Variants in PCGF5 observed in about 807,000 individuals in gnomAD.
PCGF5 encodes polycomb group ring finger 5, also known as polycomb group RING finger protein 5.
In PCGF5, 9 loss-of-function variants were observed where a neutral mutation model predicts 44.3. That is an observed-to-expected ratio of 0.20 (90% confidence interval 0.12 to 0.35). The LOEUF is 0.35. Among genes scored for constraint, PCGF5 ranks in the 10% least tolerant of loss-of-function variants. The probability of loss-of-function intolerance (pLI) is 1.00; values close to 1 mark genes in which losing one functional copy is unlikely to be tolerated. For missense variants in PCGF5, 146 were observed against 305.3 expected (o/e 0.48, Z 3.89); for synonymous variants, 95 against 102.5 (o/e 0.93, Z 0.44).
At position 91,281,166 on chromosome 10, in the gene PCGF5, T is replaced by C. The variant is rs910850614; in HGVS notation, c.*2850T>C. On this transcript the variant is annotated 3_prime_UTR_variant, in exon 10 of 10. Coordinates refer to ENST00000336126, the MANE Select transcript of PCGF5 (RefSeq NM_032373.5). ...AGATTAGCAAAACAGCTTTACAAAG[T>C]ATGAAAAAATAAACTAAAATGCTCA... 3.9e-5 allele frequency: 6 copies of C among 152,484 alleles called. No individual in the cohort carries two copies. The highest frequency in any genetic ancestry group is 8.8e-5 in the Non-Finnish European group (6 of 67,914). The allele number at this position is 152,484 out of a possible 1,614,324, so 9.4% of individuals were successfully genotyped here.
At chr10:91,233,238 G>A (rs1017180066) in intron 2 of PCGF5, among the ~76,000 whole-genome samples, 20 of 152,026 alleles carry the variant, frequency 1.3e-4, no homozygotes, top group Middle Eastern at 3.2e-3. Flanking sequence ...GGTCCCACTC[G>A]ACTCTACAAG....
At chr10:91,204,646 C>G (rs1844308010) in intron 1 of PCGF5, among the ~76,000 whole-genome samples, 1 of 152,130 alleles carries the variant, frequency 6.6e-6, no homozygotes, top group Non-Finnish European at 1.5e-5. Context: ...CCAGAAAATG[C>G]AAAGAAGGAG....
intron 2 of PCGF5, among the ~76,000 whole-genome samples, chr10:91,229,801 T>C (rs1245507730): frequency 6.6e-5 from 10 of 152,056 alleles, no homozygotes; most frequent in Admixed American, 5.2e-4. Context: ...AAAAACATGT[T>C]TTGGAATAAA....
At chr10:91,178,881 A>C (rs999360326) in intron 1 of PCGF5, among the ~76,000 whole-genome samples, 1 of 152,222 alleles carries the variant, frequency 6.6e-6, no homozygotes, top group Non-Finnish European at 1.5e-5. Flanking sequence ...TAATACATGA[A>C]GCATTATTAT....
At chr10:91,193,594 G>A (rs1327343480) in intron 1 of PCGF5, among the ~76,000 whole-genome samples, 1 of 151,988 alleles carries the variant, frequency 6.6e-6, no homozygotes, top group Admixed American at 6.6e-5. Context: ...GTAGGAGATA[G>A]GGTCGGAAAG....
At chr10:91,193,772 A>C (rs1034626475) in intron 1 of PCGF5, among the ~76,000 whole-genome samples, 1 of 152,192 alleles carries the variant, frequency 6.6e-6, no homozygotes, top group Non-Finnish European at 1.5e-5. Context: ...AATAGACTCT[A>C]GTAGACTGTA....
intron 1 of PCGF5, among the ~76,000 whole-genome samples, chr10:91,205,105 T>G (rs1056053777): frequency 5.3e-5 from 8 of 152,210 alleles, no homozygotes; most frequent in Non-Finnish European, 1.0e-4. Context: ...TGAGATTAGA[T>G]ATGTAAATAC....
chr10:91,184,198 A>T (rs563319298), intron 1 of PCGF5, among the ~76,000 whole-genome samples: 2 of 152,176 alleles, frequency 1.3e-5, no homozygotes, highest in East Asian at 3.9e-4. Context: ...CAGGTATACC[A>T]GTCAGTGGTA....
intron 1 of PCGF5, among the ~76,000 whole-genome samples, chr10:91,222,297 G>T (rs1844704831): frequency 6.6e-6 from 1 of 152,168 alleles, no homozygotes; most frequent in South Asian, 2.1e-4. Context: ...ACTGGATGAA[G>T]GGTTAAAAAT....
At chr10:91,168,922 C>T (rs1217193384) in intron 1 of PCGF5, among the ~76,000 whole-genome samples, 5 of 108,460 alleles carry the variant, frequency 4.6e-5, no homozygotes, top group South Asian at 6.4e-4. Context: ...TGTGAGACTC[C>T]GTCTCAGAAA....
At chr10:91,220,184 A>T (rs1589374957), upstream of PCGF5, 1 of 133,786 alleles carries the variant, frequency 7.5e-6, no homozygotes, top group East Asian at 2.3e-4. Context: ...GTTGTCAACG[A>T]CCATGATCTC....
At chr10:91,259,231 C>G (rs1464056825) in intron 6 of PCGF5, among the ~76,000 whole-genome samples, 3 of 152,160 alleles carry the variant, frequency 2.0e-5, no homozygotes, top group Non-Finnish European at 4.4e-5. Flanking sequence ...CAGTAAAGTA[C>G]TGGCACAGCC....
At chr10:91,256,465 A>G (rs773777706) in intron 6 of PCGF5, among the ~76,000 whole-genome samples, 28 of 152,136 alleles carry the variant, frequency 1.8e-4, no homozygotes, top group Admixed American at 1.7e-3. Context: ...CAAGCTTACC[A>G]GCATACACAT....
At chr10:91,228,115 G>A (rs1439053335) in intron 2 of PCGF5, among the ~76,000 whole-genome samples, 1 of 152,096 alleles carries the variant, frequency 6.6e-6, no homozygotes. Context: ...GAGAGACTCT[G>A]GACTGGGGAC....
intron 1 of PCGF5, among the ~76,000 whole-genome samples, chr10:91,164,471 T>G (rs1219634481): frequency 6.6e-6 from 1 of 152,214 alleles, no homozygotes. Flanking sequence ...TGGTGTCAAG[T>G]GAGGGAGGTA....
rs962455422 is a variant in PCGF5 at position 91,279,022 on chromosome 10, A to G, written c.*706A>G. ...CTCTTGAACTGAAGTTAGATTCCCA[A>G]CCATTCAAAATGTTGGCAGCTGATC... On this transcript the variant is annotated 3_prime_UTR_variant, in exon 10 of 10. Coordinates refer to ENST00000336126, the MANE Select transcript of PCGF5 (RefSeq NM_032373.5). 13 of 152,622 alleles carry G rather than the reference A, an allele frequency of 8.5e-5. No individual in the cohort carries two copies. The highest frequency in any genetic ancestry group is 2.4e-4 in the African/African-American group (10 of 41,452). The allele number at this position is 152,622 out of a possible 1,614,324, so 9.5% of individuals were successfully genotyped here. A position where few individuals can be genotyped will look rare whatever the true frequency, so the allele number is the denominator to read the frequency against.
intron 2 of PCGF5, among the ~76,000 whole-genome samples, chr10:91,236,690 G>A (rs1845173434): frequency 6.6e-6 from 1 of 152,208 alleles, no homozygotes; most frequent in African/African-American, 2.4e-5. Flanking sequence ...AATTAGAAGT[G>A]AGTTTTGTAG....
At chr10:91,248,075 T>C (rs1348396069) in intron 3 of PCGF5, among the ~76,000 whole-genome samples, 2 of 152,148 alleles carry the variant, frequency 1.3e-5, no homozygotes, top group Non-Finnish European at 2.9e-5. Context: ...CCTCCAGCCT[T>C]GTTCTCATGG....
chr10:91,203,627 A>G (rs1844292155), intron 1 of PCGF5, among the ~76,000 whole-genome samples: 2 of 152,214 alleles, frequency 1.3e-5, no homozygotes, highest in Non-Finnish European at 2.9e-5. Flanking sequence ...TATGCTTAAT[A>G]TATATTTGTA....
Sources: gnomAD v4.1 joint callset for allele counts (sites outside exome capture counted in the v4.1 genomes callset) on GRCh38, gnomAD v4.1.1 for gene constraint, MANE v1.5 for transcripts, NCBI Gene and HGNC (gene_info 2026-07-23, HGNC 2026-07-21) for gene names.